Variants in CNTNAP3B observed in about 807,000 individuals in gnomAD.
The protein encoded by CNTNAP3B is contactin associated protein family member 3B, also known as contactin-associated protein-like 3B.
Under a neutral mutation model 108.9 loss-of-function variants are expected in CNTNAP3B, and 25 were observed. The observed-to-expected ratio is 0.23, with a 90% CI of 0.17 to 0.32. CNTNAP3B has a LOEUF of 0.32. CNTNAP3B is among the 10% of genes least tolerant of loss of function. The pLI, the probability that CNTNAP3B is intolerant of heterozygous loss-of-function variation, is 1.00. For missense variants in CNTNAP3B, 252 were observed against 1,210.4 expected (o/e 0.21, Z 11.75); for synonymous variants, 103 against 473.4 (o/e 0.22, Z 10.16).
intron 1 of CNTNAP3B, among the ~76,000 whole-genome samples, chr9:42,121,315 T>G (rs1828457220): frequency 7.2e-6 from 1 of 139,630 alleles, no homozygotes. Context: ...CCCTCTTTTA[T>G]GAGCTCACTT....
intron 1 of CNTNAP3B, among the ~76,000 whole-genome samples, chr9:42,118,791 CA>C (rs1194579839): frequency 4.2e-4 from 46 of 108,958 alleles, no homozygotes; most frequent in Non-Finnish European, 7.1e-4. Context: ...CGTCTCAGCC[CA>C]AAATCTCCTT....
intron 14 of CNTNAP3B, among the ~76,000 whole-genome samples, chr9:41,933,082 T>A (rs1824030807): frequency 6.6e-6 from 1 of 152,288 alleles, no homozygotes; most frequent in South Asian, 2.1e-4. Context: ...AAAACCAGGT[T>A]GCTGCAATCC....
intron 12 of CNTNAP3B, among the ~76,000 whole-genome samples, chr9:41,954,200 A>C (rs1423246918): frequency 6.6e-5 from 10 of 152,270 alleles, no homozygotes; most frequent in Admixed American, 5.9e-4. Context: ...TTACATAAAA[A>C]TTTTCCGAAC....
Position 42,115,991 on chromosome 9 carries a change from C to T in CNTNAP3B, c.86-11252G>A, listed in dbSNP as rs1268310992. Among the ~76,000 whole-genome samples the T allele has an allele frequency of 8.0e-5, 11 of 137,812 alleles. 2 individuals are homozygous for T. Among genetic ancestry groups the T allele is most frequent in the Non-Finnish European group, 1.7e-4 (11 of 64,696 alleles). The allele number at this position is 137,812 out of a possible 152,430, so 90.4% of individuals were successfully genotyped here. A position where few individuals can be genotyped will look rare whatever the true frequency, so the allele number is the denominator to read the frequency against. On this transcript the variant is annotated intron_variant, in intron 1 of 23. Transcript: ENST00000377561. ...CCTTGAAAAAGGATTAGACGAATGG[C>T]TAACTAGAATAAACAGCGTAGAGAA...
intron 16 of CNTNAP3B, among the ~76,000 whole-genome samples, chr9:41,923,657 G>A (rs1326030433): frequency 1.3e-5 from 2 of 152,290 alleles, no homozygotes; most frequent in African/African-American, 4.8e-5. Context: ...AGCTACTCAG[G>A]AGACTGAGGC....
intron 10 of CNTNAP3B, among the ~76,000 whole-genome samples, chr9:41,968,971 C>T (rs1214128395): frequency 1.3e-3 from 196 of 152,190 alleles, no homozygotes; most frequent in Middle Eastern, 3.4e-3. Context: ...TAATTTTTTG[C>T]ATTTTTAGTA....
In CNTNAP3B at chr9:42,127,737, C is replaced by T. The variant is rs560768688; in HGVS notation, c.85+1273G>A. ...CAAAGCAATCCGGAGCTTGTTTTTT[C>T]GAAGGGCACACCAAGTGTAGGATTA... On this transcript the variant is annotated intron_variant, in intron 1 of 23. Coordinates refer to ENST00000377561, the MANE Select transcript of CNTNAP3B (RefSeq NM_001201380.3). Among the ~76,000 whole-genome samples, 2 of 139,260 alleles carry T rather than the reference C, an allele frequency of 1.4e-5. 1 individual carries two copies. Among genetic ancestry groups the T allele is most frequent in the Non-Finnish European group, 3.1e-5 (2 of 65,008 alleles). The allele number at this position is 139,260 out of a possible 152,430, so 91.4% of individuals were successfully genotyped here. A position where few individuals can be genotyped will look rare whatever the true frequency, so the allele number is the denominator to read the frequency against.
intron 3 of CNTNAP3B, among the ~76,000 whole-genome samples, chr9:42,061,329 T>C (rs1827174873): frequency 7.7e-6 from 1 of 129,370 alleles, no homozygotes; most frequent in Admixed American, 7.6e-5. Context: ...TTTTTTTTTT[T>C]TTTTTTTTTG....
intron 12 of CNTNAP3B, 136 bp downstream of exon 12, chr9:41,960,637 A>C: frequency 7.0e-7 from 1 of 1,431,468 alleles, no homozygotes; most frequent in Non-Finnish European, 9.3e-7. Flanking sequence ...GTTGACAACA[A>C]AATTAATAAA....
chr9:42,056,169 A>G (rs1259892778), intron 3 of CNTNAP3B, among the ~76,000 whole-genome samples: 2 of 133,710 alleles, frequency 1.5e-5, no homozygotes, highest in Non-Finnish European at 3.2e-5. Flanking sequence ...CTTTAAATTT[A>G]ATGCATTAAC....
intron 10 of CNTNAP3B, among the ~76,000 whole-genome samples, chr9:41,969,128 C>A (rs1201499638): frequency 6.6e-6 from 1 of 152,202 alleles, no homozygotes; most frequent in African/African-American, 2.4e-5. Context: ...AAATCTGTAG[C>A]ATTTATTTAT....
intron 3 of CNTNAP3B, among the ~76,000 whole-genome samples, chr9:42,063,996 ATTC>A (rs1318778121): frequency 2.8e-5 from 4 of 144,654 alleles, no homozygotes; most frequent in African/African-American, 8.0e-5. Flanking sequence ...TTCCATAAGC[ATTC>A]TTCATTACTT....
rs1043214401 is a variant in CNTNAP3B at position 42,041,313 on chromosome 9, G to A, written c.391-27788C>T. 6.4e-4 allele frequency among the ~76,000 whole-genome samples: 95 copies of A among 147,666 alleles called. 1 individual carries two copies. Among genetic ancestry groups the A allele is most frequent in the Non-Finnish European group, 2.1e-4 (14 of 67,130 alleles). On this transcript the variant is annotated intron_variant, in intron 3 of 23. Coordinates refer to ENST00000377561, the MANE Select transcript of CNTNAP3B (RefSeq NM_001201380.3). Reference sequence around the variant, plus strand: ...GAGTGAACAGGCAACCTACAACATGGGAGAAAATTTTTGCAATCTACCCAT... The same window carrying A: ...GAGTGAACAGGCAACCTACAACATGAGAGAAAATTTTTGCAATCTACCCAT...
At chr9:42,056,269 C>T (rs1325820891) in intron 3 of CNTNAP3B, among the ~76,000 whole-genome samples, 1 of 136,854 alleles carries the variant, frequency 7.3e-6, no homozygotes, top group Middle Eastern at 3.4e-3. Context: ...TACCTCACTG[C>T]TGTTTTAATT....
chr9:41,937,430 G>GC (rs1476486379), intron 14 of CNTNAP3B, among the ~76,000 whole-genome samples: 1 of 150,110 alleles, frequency 6.7e-6, no homozygotes, highest in Non-Finnish European at 1.5e-5. Context: ...CCTGGCCTAA[G>GC]TTTTTTTTTA....
rs1489127600 is a variant in CNTNAP3B, at chr9:41,928,229, G to T, written c.2365+1088C>A. On this transcript the variant is annotated intron_variant, in intron 15 of 23. Transcript: ENST00000377561. ...ACAAAATTTCTGGGTCAGAGTTAAA[G>T]AACTTTATTGCTCACAGCACAGCAT... Among the ~76,000 whole-genome samples, 3 of 152,242 alleles carry T rather than the reference G, an allele frequency of 2.0e-5. No homozygotes were observed. The South Asian group carries it at 6.2e-4, about 31-fold the overall frequency.
At chr9:42,027,640 TA>T (rs1826435423) in intron 3 of CNTNAP3B, among the ~76,000 whole-genome samples, 1 of 92,094 alleles carries the variant, frequency 1.1e-5, no homozygotes, top group African/African-American at 4.8e-5. Context: ...GCTGAAAATT[TA>T]AAGTTTGGTG....
intron 9 of CNTNAP3B, among the ~76,000 whole-genome samples, chr9:41,977,871 T>C (rs1424866907): frequency 7.0e-6 from 1 of 142,354 alleles, no homozygotes; most frequent in Admixed American, 7.0e-5. Context: ...GACCTTGTGA[T>C]CCACCTGCCT....
chr9:41,921,306 A>C (rs1245740441), intron 17 of CNTNAP3B, among the ~76,000 whole-genome samples: 1 of 152,226 alleles, frequency 6.6e-6, no homozygotes, highest in African/African-American at 2.4e-5. Flanking sequence ...CCTCCTTTCC[A>C]GTAGTTTGAT....
Sources: allele counts gnomAD v4.1 joint callset (sites outside exome capture counted in the v4.1 genomes callset), GRCh38; gene constraint gnomAD v4.1.1; transcripts MANE v1.5; gene names NCBI Gene and HGNC (gene_info 2026-07-23, HGNC 2026-07-21).